SPTBN1: variants seen among roughly 807,000 people sequenced by gnomAD.
SPTBN1 encodes the protein spectrin beta, non-erythrocytic 1.
In SPTBN1, 32 loss-of-function variants were observed where a neutral mutation model predicts 266.4. That is an observed-to-expected ratio of 0.12 (90% CI 0.09 to 0.16). The LOEUF (loss-of-function observed/expected upper bound fraction) is 0.16, where lower values mean the gene tolerates loss of function less well. Among genes scored for constraint, SPTBN1 ranks in the 10% least tolerant of loss-of-function variants. The probability of loss-of-function intolerance (pLI) is 1.00; values close to 1 mark genes in which losing one functional copy is unlikely to be tolerated. For missense variants in SPTBN1, 2,296 were observed against 3,067.1 expected (o/e 0.75, Z 5.94); for synonymous variants, 1,336 against 1,162.2 (o/e 1.15, Z -3.04).
chr2:54,645,291 G>C lies in SPTBN1; in HGVS notation c.4332G>C (p.Gln1444His), dbSNP rs768045099. The change falls in exon 21 of 36, where the codon CAG becomes CAC. Residue 1444 changes from glutamine to histidine, a missense_variant. By Grantham distance (24) the Gln-to-His change is conservative. Coordinates refer to ENST00000356805, the MANE Select transcript of SPTBN1 (RefSeq NM_003128.3). The surrounding 1 kb of genome is among the most constrained non-coding windows in gnomAD (Gnocchi z 4.3). ...KEIEELQSQAQALSQEGKSTD... is the reference protein window; with the variant it reads ...KEIEELQSQAHALSQEGKSTD... The stretch of plus-strand genomic sequence containing the variant: ...TCGAAGAGCTCCAAAGCCAAGCCCA[G>C]GCCCTGAGTCAGGAAGGGAAGAGCA... 8.1e-6 allele frequency: 13 copies of C among 1,614,216 alleles called. No individual in the cohort carries two copies. The highest frequency in any genetic ancestry group is 1.1e-5 in the Non-Finnish European group (13 of 1,180,028).
chr2:54,671,089 C>T lies in SPTBN1; in HGVS notation c.*2520C>T, dbSNP rs1016735208. On this transcript the variant is annotated 3_prime_UTR_variant, in exon 36 of 36. Coordinates refer to ENST00000356805, the MANE Select transcript of SPTBN1 (RefSeq NM_003128.3). The stretch of plus-strand genomic sequence containing the variant: ...TGACAATACTGGCCCCTCCATAAAT[C>T]TGAAGAGTAAGAAGTAGTGAAAATA... 6.0e-5 allele frequency: 19 copies of T among 318,616 alleles called. No individual in the cohort carries two copies. The highest frequency in any genetic ancestry group is 4.9e-5 in the Admixed American group (1 of 20,290). The allele number at this position is 318,616 out of a possible 1,614,324, so 19.7% of individuals were successfully genotyped here.
chr2:54,508,305 G>A (rs898760298), intron 1 of SPTBN1, among the ~76,000 whole-genome samples: 14 of 152,184 alleles, frequency 9.2e-5, no homozygotes, highest in Non-Finnish European at 1.6e-4. Context: ...TGTCTACCCA[G>A]ACCAAGAGGT....
intron 18 of SPTBN1, among the ~76,000 whole-genome samples, chr2:54,638,261 T>C (rs1368832815): frequency 2.0e-5 from 3 of 152,234 alleles, no homozygotes; most frequent in Non-Finnish European, 4.4e-5. Context: ...TCCTAGAATA[T>C]TGTGCAACCT....
At chr2:54,633,512 C>T (rs149462096) in intron 17 of SPTBN1, among the ~76,000 whole-genome samples, 4 of 152,194 alleles carry the variant, frequency 2.6e-5, no homozygotes, top group African/African-American at 4.8e-5. Context: ...CTTTGACTCA[C>T]TCCTTACTCT....
chr2:54,462,954 GCATT>G (rs1693442124), intron 1 of SPTBN1, among the ~76,000 whole-genome samples: 1 of 152,174 alleles, frequency 6.6e-6, no homozygotes, highest in African/African-American at 2.4e-5. Flanking sequence ...ATTAAATCTG[GCATT>G]CAGTTTTTAA....
chr2:54,620,485 T>C (rs1677921837), intron 7 of SPTBN1, among the ~76,000 whole-genome samples: 2 of 151,980 alleles, frequency 1.3e-5, no homozygotes, highest in Admixed American at 1.3e-4. Flanking sequence ...GAGGTCAAGT[T>C]TGATTCAGAG....
intron 9 of SPTBN1, among the ~76,000 whole-genome samples, chr2:54,623,078 T>A (rs2103877811): frequency 6.6e-6 from 1 of 152,364 alleles, no homozygotes; most frequent in South Asian, 2.1e-4. Flanking sequence ...CGTTTTTTCT[T>A]TTCTGAAAAC....
At position 54,630,993 on chromosome 2, in the gene SPTBN1, G is replaced by C. The variant is rs775040550; in HGVS notation, c.2946G>C (p.Gln982His). The C allele has an allele frequency of 1.2e-6, 2 of 1,614,174 alleles. No homozygotes were observed. The highest frequency in any genetic ancestry group is 1.1e-5 in the South Asian group (1 of 91,086). ...AGACCAAGGTCATCGAGTCCACCCA[G>C]GACCTGGGCAATGACCTGGCTGGCG... ...REKTKVIEST[Q>H]DLGNDLAGVM... The change falls in exon 16 of 36, where the codon CAG (glutamine) becomes CAC (histidine). Residue 982 changes from glutamine (Q) to histidine (H), a missense_variant. This residue lies in a region of SPTBN1 where 128 missense variants were observed against 176.5 expected (regional missense o/e 0.73). Coordinates refer to ENST00000356805, the MANE Select transcript of SPTBN1 (RefSeq NM_003128.3).
chr2:54,497,104 G>C (rs1558780030), intron 1 of SPTBN1, among the ~76,000 whole-genome samples: 1 of 152,198 alleles, frequency 6.6e-6, no homozygotes, highest in Non-Finnish European at 1.5e-5. Flanking sequence ...GCTTCTGGCT[G>C]TTGGTCTGGG....
At chr2:54,579,271 G>C (rs914901010) in intron 2 of SPTBN1, among the ~76,000 whole-genome samples, 1 of 152,118 alleles carries the variant, frequency 6.6e-6, no homozygotes, top group African/African-American at 2.4e-5. Flanking sequence ...GCTTCCGTTT[G>C]ACCTGAGGCA....
chr2:54,532,425 T>TA (rs1211901867), intron 2 of SPTBN1, among the ~76,000 whole-genome samples: 1 of 152,248 alleles, frequency 6.6e-6, no homozygotes, highest in Non-Finnish European at 1.5e-5. Context: ...TGAGACACTT[T>TA]ACATTTTTTA....
intron 19 of SPTBN1, 34 bp downstream of exon 19, chr2:54,643,163 AAAAC>A: frequency 6.2e-7 from 1 of 1,612,778 alleles, no homozygotes; most frequent in Non-Finnish European, 8.5e-7. Flanking sequence ...CCATGGTGAG[AAAAC>A]AAACAGGGTA....
intron 2 of SPTBN1, among the ~76,000 whole-genome samples, chr2:54,535,596 C>G (rs895983286): frequency 6.6e-6 from 1 of 152,166 alleles, no homozygotes; most frequent in Non-Finnish European, 1.5e-5. Context: ...TGTCTCTGCT[C>G]TCTTAGATAA....
intron 3 of SPTBN1, among the ~76,000 whole-genome samples, chr2:54,602,166 C>G (rs1039679373): frequency 3.3e-5 from 5 of 152,156 alleles, no homozygotes; most frequent in Non-Finnish European, 7.4e-5. Context: ...ATTCTGAGTT[C>G]ACTATAGTCT....
intron 1 of SPTBN1, chr2:54,520,364 T>C (rs1052151016): frequency 1.4e-4 from 22 of 152,200 alleles, no homozygotes; most frequent in African/African-American, 5.3e-4. Context: ...GTTTCTTTCC[T>C]AATGGTTATG....
chr2:54,505,559 C>T (rs1185650545), intron 1 of SPTBN1, among the ~76,000 whole-genome samples: 1 of 152,142 alleles, frequency 6.6e-6, no homozygotes, highest in East Asian at 1.9e-4. Flanking sequence ...CCCAGGAAGG[C>T]TCCTGAAGCT....
chr2:54,622,631 G>T (rs1572698570), intron 9 of SPTBN1, 144 bp downstream of exon 9: 2 of 942,764 alleles, frequency 2.1e-6, no homozygotes, highest in East Asian at 5.2e-5. Context: ...ATCTGACTCT[G>T]TTTTGCTGAG....
At chr2:54,470,929 T>C (rs967677307) in intron 1 of SPTBN1, among the ~76,000 whole-genome samples, 12 of 152,264 alleles carry the variant, frequency 7.9e-5, no homozygotes, top group African/African-American at 2.7e-4. Flanking sequence ...TTGTAAACTT[T>C]CTTAAAACAT....
chr2:54,568,871 A>G (rs1038855679), intron 2 of SPTBN1, among the ~76,000 whole-genome samples: 9 of 152,194 alleles, frequency 5.9e-5, no homozygotes, highest in Admixed American at 5.9e-4. Context: ...CAAAGCACAA[A>G]TACTCTTCTT....
Sources: allele counts gnomAD v4.1 joint callset (sites outside exome capture counted in the v4.1 genomes callset), GRCh38; gene constraint gnomAD v4.1.1; regional missense constraint gnomAD v4.1.1; non-coding constraint Gnocchi (gnomAD v3.1); transcripts MANE v1.5; gene names NCBI Gene and HGNC (gene_info 2026-07-23, HGNC 2026-07-21).